THSD7A: variants seen among roughly 807,000 people sequenced by gnomAD.
THSD7A encodes thrombospondin type 1 domain containing 7A.
Under a neutral mutation model 231.3 loss-of-function variants are expected in THSD7A, and 96 were observed. The observed-to-expected ratio is 0.41, with a 90% confidence interval of 0.35 to 0.49. The LOEUF is 0.49. THSD7A is among the 20% of genes least tolerant of loss of function. The pLI, the probability that THSD7A is intolerant of heterozygous loss-of-function variation, is 0.05. For missense variants in THSD7A, 2,290 were observed against 2,070.2 expected, an observed-to-expected ratio of 1.11 and a Z score of -2.06; for synonymous variants, 940 against 743.3, an observed-to-expected ratio of 1.26 and a Z score of -4.30.
In THSD7A at chr7:11,723,291, C is replaced by G. The variant is rs2128154002; in HGVS notation, c.191-86330G>C. Among the ~76,000 whole-genome samples the G allele has an allele frequency of 1.6e-5, 2 of 128,992 alleles. 1 individual carries two copies. Among genetic ancestry groups the G allele is most frequent in the South Asian group, 4.7e-4 (2 of 4,300 alleles). The allele number at this position is 128,992 out of a possible 152,430, so 84.6% of individuals were successfully genotyped here. ...ATTGAACAATGAGAACACATTGACA[C>G]AGGAAGGGGAACATCACACACTGGG... On this transcript the variant is annotated intron_variant, in intron 1 of 27. Coordinates refer to ENST00000423059, the MANE Select transcript of THSD7A (RefSeq NM_015204.3).
chr7:11,713,910 T>C (rs565439239), intron 1 of THSD7A, among the ~76,000 whole-genome samples: 2 of 151,376 alleles, frequency 1.3e-5, no homozygotes, highest in East Asian at 3.9e-4. Context: ...TAATAAGCAA[T>C]AGGTCAATCA....
At chr7:11,725,120 T>C (rs1781504627) in intron 1 of THSD7A, among the ~76,000 whole-genome samples, 1 of 151,980 alleles carries the variant, frequency 6.6e-6, no homozygotes, top group South Asian at 2.1e-4. Context: ...AATATACATT[T>C]ACATTTGAGT....
intron 11 of THSD7A, among the ~76,000 whole-genome samples, chr7:11,450,788 T>C (rs1300388993): frequency 6.6e-6 from 1 of 152,042 alleles, no homozygotes; most frequent in African/African-American, 2.4e-5. Flanking sequence ...TCATATCTAA[T>C]GATGACACAA....
chr7:11,438,392 A>C (rs1209984280), intron 13 of THSD7A, among the ~76,000 whole-genome samples: 1 of 152,020 alleles, frequency 6.6e-6, no homozygotes, highest in Non-Finnish European at 1.5e-5. Context: ...GCTATAGTGC[A>C]AACTGGTATG....
intron 2 of THSD7A, among the ~76,000 whole-genome samples, chr7:11,616,057 C>A (rs1781092936): frequency 6.6e-6 from 1 of 152,006 alleles, no homozygotes; most frequent in Non-Finnish European, 1.5e-5. Context: ...TGTCATAGTG[C>A]TATTTATTGA....
intron 2 of THSD7A, among the ~76,000 whole-genome samples, chr7:11,596,805 G>A (rs1040014694): frequency 2.0e-5 from 3 of 152,186 alleles, no homozygotes; most frequent in Admixed American, 1.3e-4. Context: ...TACCAGATGT[G>A]GCTTCATTGC....
Position 11,575,036 on chromosome 7 carries a change from C to A in THSD7A, c.1453+15424G>T, listed in dbSNP as rs137954615. 7.5e-3 allele frequency among the ~76,000 whole-genome samples: 1,135 copies of A among 152,118 alleles called. 14 individuals carry two copies. The highest frequency in any genetic ancestry group is 0.026 in the African/African-American group (1,077 of 41,488). On this transcript the variant is annotated intron_variant, in intron 4 of 27. Transcript: ENST00000423059. Reference sequence around the variant, plus strand: ...AAGAAAATTATTTAAGCTCTTTGTACGTCCATATTATATAATAATAGTGCT... The same window carrying A: ...AAGAAAATTATTTAAGCTCTTTGTAAGTCCATATTATATAATAATAGTGCT...
chr7:11,830,823 A>G (rs918140457), intron 1 of THSD7A, among the ~76,000 whole-genome samples: 1 of 152,170 alleles, frequency 6.6e-6, no homozygotes, highest in African/African-American at 2.4e-5. Context: ...CCTTTCAACT[A>G]CAACATTCTC....
At chr7:11,701,674 G>C (rs780943840) in intron 1 of THSD7A, among the ~76,000 whole-genome samples, 1 of 151,134 alleles carries the variant, frequency 6.6e-6, no homozygotes, top group Non-Finnish European at 1.5e-5. Context: ...GTCTAGGACA[G>C]AAACTGACAT....
At chr7:11,820,086 T>C (rs1367037087) in intron 1 of THSD7A, among the ~76,000 whole-genome samples, 1 of 145,474 alleles carries the variant, frequency 6.9e-6, no homozygotes, top group African/African-American at 2.8e-5. Context: ...GCCCAATGCG[T>C]TGTGTTCCGC....
chr7:11,688,682 G>A (rs1780139711), intron 1 of THSD7A, among the ~76,000 whole-genome samples: 2 of 151,792 alleles, frequency 1.3e-5, no homozygotes, highest in South Asian at 2.1e-4. Flanking sequence ...ATAGGAGAAG[G>A]AAGTGTGTGT....
intron 1 of THSD7A, among the ~76,000 whole-genome samples, chr7:11,667,274 T>C (rs1479176117): frequency 6.6e-6 from 1 of 152,110 alleles, no homozygotes; most frequent in Non-Finnish European, 1.5e-5. Context: ...CGTCATAGCT[T>C]AGCTCCCACT....
chr7:11,761,972 G>C (rs1297374474), intron 1 of THSD7A, among the ~76,000 whole-genome samples: 1 of 151,944 alleles, frequency 6.6e-6, no homozygotes, highest in Non-Finnish European at 1.5e-5. Flanking sequence ...TGTACCAACT[G>C]TATACCACTT....
intron 6 of THSD7A, among the ~76,000 whole-genome samples, chr7:11,483,013 C>T (rs1315662478): frequency 6.6e-6 from 1 of 152,100 alleles, no homozygotes; most frequent in African/African-American, 2.4e-5. Context: ...TGAAATCATA[C>T]ACAATCAAAC....
At chr7:11,764,569 C>CA (rs11423096) in intron 1 of THSD7A, among the ~76,000 whole-genome samples, 1,955 of 106,132 alleles carry the variant, frequency 0.018, 39 homozygotes, top group African/African-American at 0.036. Context: ...GACTCCGTCT[C>CA]AAAAAAAAAA....
intron 2 of THSD7A, among the ~76,000 whole-genome samples, chr7:11,616,154 T>A (rs1444750460): frequency 2.6e-5 from 4 of 152,196 alleles, no homozygotes; most frequent in Non-Finnish European, 5.9e-5. Flanking sequence ...AATCCCTTAA[T>A]TTTTATATAC....
At chr7:11,747,856 T>C (rs2128163627) in intron 1 of THSD7A, among the ~76,000 whole-genome samples, 1 of 152,032 alleles carries the variant, frequency 6.6e-6, no homozygotes, top group African/African-American at 2.4e-5. Flanking sequence ...GTAGAGATTC[T>C]TGGCAGAGAT....
At chr7:11,432,541 A>C (rs1224609765) in intron 13 of THSD7A, among the ~76,000 whole-genome samples, 1 of 152,048 alleles carries the variant, frequency 6.6e-6, no homozygotes, top group East Asian at 1.9e-4. Context: ...ACTTTTTAAA[A>C]ATTTCATGTA....
chr7:11,606,595 T>C (rs1310580526), intron 2 of THSD7A, among the ~76,000 whole-genome samples: 1 of 152,156 alleles, frequency 6.6e-6, no homozygotes, highest in African/African-American at 2.4e-5. Context: ...TAATAAGCAC[T>C]TATAATATTC....
Sources: allele counts gnomAD v4.1 joint callset (sites outside exome capture counted in the v4.1 genomes callset), GRCh38; gene constraint gnomAD v4.1.1; transcripts MANE v1.5; gene names NCBI Gene and HGNC (gene_info 2026-07-23, HGNC 2026-07-21).